The following JPH2 variants were observed in gnomAD, a reference collection of about 807,000 sequenced individuals.
JPH2 encodes the protein junctophilin-2.
In JPH2, 38 loss-of-function variants were observed where a neutral mutation model predicts 55.9. That is an observed-to-expected ratio of 0.68 (90% CI 0.52 to 0.89). The LOEUF (loss-of-function observed/expected upper bound fraction) is 0.89. JPH2 is among the 40% of genes least tolerant of loss of function. JPH2 has a pLI of 0.00. For synonymous variants in JPH2, 480 were observed against 472.4 expected (o/e 1.02, Z -0.21); for missense variants, 964 against 1,037.6 (o/e 0.93, Z 0.97).
At chr20:44,146,903 G>A (rs1009325721) in intron 2 of JPH2, among the ~76,000 whole-genome samples, 3 of 152,140 alleles carry the variant, frequency 2.0e-5, no homozygotes, top group Non-Finnish European at 2.9e-5. Flanking sequence ...GTTAACTTGG[G>A]TTCTGATAAT....
rs2072136005 is a variant in JPH2, at chr20:44,110,711, G to T, written c.*2807C>A. On this transcript the variant is annotated 3_prime_UTR_variant, in exon 6 of 6. Coordinates refer to ENST00000372980, the MANE Select transcript of JPH2 (RefSeq NM_020433.5). ...CTCCTCTAACGTGCTGGAATTATAG[G>T]TGTGAGCCACCATGCCCAGCTTAAA... Among the ~76,000 whole-genome samples, 1 of 152,188 alleles carries T rather than the reference G, an allele frequency of 6.6e-6. No homozygotes were observed. The highest frequency in any genetic ancestry group is 2.1e-4 in the South Asian group (1 of 4,830).
intron 2 of JPH2, among the ~76,000 whole-genome samples, chr20:44,145,097 A>G (rs978926163): frequency 2.0e-5 from 3 of 152,114 alleles, no homozygotes; most frequent in African/African-American, 7.2e-5. Flanking sequence ...TGGGGCAGCC[A>G]CTAGCATTCT....
intron 2 of JPH2, among the ~76,000 whole-genome samples, chr20:44,119,751 G>A (rs1238547522): frequency 9.2e-5 from 14 of 151,982 alleles, no homozygotes; most frequent in Admixed American, 6.5e-5. Context: ...GCGGGCGCCT[G>A]TAGTCCCAGG....
chr20:44,180,384 T>C (rs1234415346), intron 1 of JPH2, among the ~76,000 whole-genome samples: 7 of 151,998 alleles, frequency 4.6e-5, no homozygotes, highest in Admixed American at 4.6e-4. Flanking sequence ...TAGCCTGGAG[T>C]GCAGTAGCGT....
intron 2 of JPH2, among the ~76,000 whole-genome samples, chr20:44,145,140 G>C (rs2072484536): frequency 1.3e-5 from 2 of 152,104 alleles, no homozygotes; most frequent in South Asian, 4.1e-4. Flanking sequence ...CTCTTGGTCT[G>C]GGCCCTTCCA....
At chr20:44,115,134 C>T (rs556583798) in intron 4 of JPH2, among the ~76,000 whole-genome samples, 64 of 152,244 alleles carry the variant, frequency 4.2e-4, no homozygotes, top group Middle Eastern at 6.8e-3. Flanking sequence ...TGAATCAGGC[C>T]TGGAACCCAG....
chr20:44,180,493 A>G (rs1400004132), intron 1 of JPH2, among the ~76,000 whole-genome samples: 3 of 152,060 alleles, frequency 2.0e-5, no homozygotes, highest in Non-Finnish European at 4.4e-5. Flanking sequence ...CACCATGTCC[A>G]GCTAATTTTT....
intron 1 of JPH2, among the ~76,000 whole-genome samples, chr20:44,166,803 G>A (rs1431586486): frequency 6.6e-6 from 1 of 152,128 alleles, no homozygotes; most frequent in Non-Finnish European, 1.5e-5. Context: ...TGGCTGAGAG[G>A]GGCCGTCTGC....
intron 1 of JPH2, among the ~76,000 whole-genome samples, chr20:44,167,319 C>T (rs1387035688): frequency 2.6e-5 from 4 of 152,172 alleles, no homozygotes; most frequent in Non-Finnish European, 5.9e-5. Context: ...ATGCTAAGCT[C>T]CTGGCATCTA....
rs1443426332 is a variant in JPH2, at chr20:44,129,117, G to A, written c.1170-10494C>T. On this transcript the variant is annotated intron_variant, in intron 2 of 5. Transcript: ENST00000372980. Reference sequence around the variant, plus strand: ...TGGGGATTCTGAGGTTGGGGGCTGTGATAGCCCTCAGGCCCTATGTAGAAC... The same window carrying A: ...TGGGGATTCTGAGGTTGGGGGCTGTAATAGCCCTCAGGCCCTATGTAGAAC... 2.0e-5 allele frequency among the ~76,000 whole-genome samples: 3 copies of A among 152,116 alleles called. No individual in the cohort carries two copies. In the East Asian group the frequency reaches 5.8e-4, roughly 29 times the overall value.
At chr20:44,158,122 A>G (rs2072578488) in intron 2 of JPH2, among the ~76,000 whole-genome samples, 1 of 152,240 alleles carries the variant, frequency 6.6e-6, no homozygotes. Context: ...GTGGGTTAAA[A>G]ACAAATCATG....
intron 2 of JPH2, among the ~76,000 whole-genome samples, chr20:44,130,343 G>C (rs1207735911): frequency 6.6e-6 from 1 of 152,244 alleles, no homozygotes; most frequent in Admixed American, 6.5e-5. Flanking sequence ...GATATCAAGA[G>C]GCCCCCGAGT....
chr20:44,114,565 AGTGTGTGTGT>A (rs3037626), intron 5 of JPH2, among the ~76,000 whole-genome samples: 1,999 of 141,934 alleles, frequency 0.014, 19 homozygotes, highest in Middle Eastern at 0.052. Context: ...TAATGAAGTA[AGTGTGTGTGT>A]GTGTGTGTGT....
At chr20:44,114,282 AAG>A (rs1467861646) in intron 5 of JPH2, among the ~76,000 whole-genome samples, 1 of 152,172 alleles carries the variant, frequency 6.6e-6, no homozygotes, top group African/African-American at 2.4e-5. Context: ...TGAAGTGGGG[AAG>A]AGAGAAAGGG....
intron 1 of JPH2, among the ~76,000 whole-genome samples, chr20:44,182,680 C>T (rs2072795540): frequency 6.6e-6 from 1 of 152,234 alleles, no homozygotes; most frequent in Non-Finnish European, 1.5e-5. Context: ...TCTGAGACGA[C>T]TCCATCTAAG....
rs1421822880 is a variant in JPH2, at chr20:44,115,679, C to A, written c.1996G>T (p.Val666Leu). ...GACAGCCTCACCTCTTCCACCTCCACCTCCGCCTCTGCCGCCAGTGCGGCC... is the reference window on the plus strand; with the variant it reads ...GACAGCCTCACCTCTTCCACCTCCAACTCCGCCTCTGCCGCCAGTGCGGCC... ...KEAALAAEAE[V>L]EVEEVPNTIL... The change falls in exon 4 of 6, where the codon GTG (valine) becomes TTG (leucine). Residue 666 changes from valine to leucine, a missense_variant. Val to Leu is a conservative substitution (Grantham distance 32, BLOSUM62 1). Coordinates refer to ENST00000372980, the MANE Select transcript of JPH2 (RefSeq NM_020433.5). The A allele has an allele frequency of 1.9e-6, 3 of 1,612,864 alleles. No individual in the cohort carries two copies.
chr20:44,135,696 T>C lies in JPH2; in HGVS notation c.1170-17073A>G, dbSNP rs1018105958. Among the ~76,000 whole-genome samples the C allele has an allele frequency of 2.7e-4, 41 of 152,210 alleles. 1 individual carries two copies. Among genetic ancestry groups the C allele is most frequent in the Non-Finnish European group, 1.5e-5 (1 of 68,036 alleles). On this transcript the variant is annotated intron_variant, in intron 2 of 5. Coordinates refer to ENST00000372980, the MANE Select transcript of JPH2 (RefSeq NM_020433.5). ...ATATTTAGGCTCACCAGGAATGTGC[T>C]GGACAAACGTTTTGTTATATGAATC...
At position 44,115,695 on chromosome 20, in the gene JPH2, C is replaced by CA; in HGVS notation, c.1979dup (p.Ala661GlyfsTer51). ...CCACCTCCACCTCCGCCTCTGCCGC[C>CA]AGTGCGGCCTCCTTCCGCGCCTTCT... On this transcript the variant is annotated frameshift_variant, in exon 4 of 6. Transcript: ENST00000372980. LOFTEE classifies it high-confidence loss of function. 2 of 1,613,254 alleles carry CA rather than the reference C, an allele frequency of 1.2e-6. No homozygotes were observed. Among genetic ancestry groups the CA allele is most frequent in the Non-Finnish European group, 1.7e-6 (2 of 1,180,036 alleles).
At chr20:44,124,199 C>T (rs2072260113) in intron 2 of JPH2, among the ~76,000 whole-genome samples, 2 of 152,134 alleles carry the variant, frequency 1.3e-5, no homozygotes, top group South Asian at 4.1e-4. Context: ...CCTGCCCCCA[C>T]CCTGGCCTCC....
Sources: allele counts gnomAD v4.1 joint callset (sites outside exome capture counted in the v4.1 genomes callset), GRCh38; gene constraint gnomAD v4.1.1; transcripts MANE v1.5; gene names NCBI Gene and HGNC (gene_info 2026-07-23, HGNC 2026-07-21).